Variants in GBE1 observed in about 807,000 individuals in gnomAD.
GBE1 encodes the protein 1,4-alpha-glucan-branching enzyme.
A neutral mutation model predicts 88.8 loss-of-function variants in GBE1; 70 were observed. The observed-to-expected ratio is 0.79, with a 90% CI of 0.65 to 0.96. The LOEUF is 0.96. GBE1 is among the 40% of genes least tolerant of loss of function. The pLI, the probability that GBE1 is intolerant of heterozygous loss-of-function variation, is 0.00. For synonymous variants in GBE1, 284 were observed against 300.1 expected (o/e 0.95, Z 0.56); for missense variants, 872 against 871.0 (o/e 1.00, Z -0.01).
intron 12 of GBE1, among the ~76,000 whole-genome samples, chr3:81,541,930 TATTTATTA>T (rs1703147300): frequency 6.6e-6 from 1 of 152,102 alleles, no homozygotes; most frequent in African/African-American, 2.4e-5. Context: ...ATTTTTATTT[TATTTATTA>T]ATTTATTAAG....
At chr3:81,720,385 A>G (rs915487266) in intron 1 of GBE1, among the ~76,000 whole-genome samples, 2 of 148,756 alleles carry the variant, frequency 1.3e-5, no homozygotes, top group Non-Finnish European at 3.0e-5. Flanking sequence ...TATATATCTT[A>G]TATACACAAA....
chr3:81,761,508 G>A lies in GBE1; in HGVS notation c.10C>T (p.Pro4Ser), dbSNP rs750274939. Residue 4 changes from proline (P) to serine (S), a missense_variant, in exon 1 of 16, where the codon CCG (proline) becomes TCG (serine). Physicochemically the swap from Pro to Ser is moderately conservative, Grantham distance 74. Coordinates refer to ENST00000429644, the MANE Select transcript of GBE1 (RefSeq NM_000158.4). Reference protein sequence around the residue: MAAPMTPAARPEDY... With the variant: MAASMTPAARPEDY... ...TCGGGCCGAGCCGCGGGAGTCATCGGAGCCGCCATATTCCGCCGCAGTCCA... is the reference window on the plus strand; with the variant it reads ...TCGGGCCGAGCCGCGGGAGTCATCGAAGCCGCCATATTCCGCCGCAGTCCA... 2 of 1,604,430 alleles carry A rather than the reference G, an allele frequency of 1.2e-6. No individual in the cohort carries two copies. The highest frequency in any genetic ancestry group is 1.7e-6 in the Non-Finnish European group (2 of 1,177,122).
At chr3:81,718,929 C>A (rs1705981214) in intron 1 of GBE1, among the ~76,000 whole-genome samples, 1 of 152,032 alleles carries the variant, frequency 6.6e-6, no homozygotes, top group African/African-American at 2.4e-5. Flanking sequence ...GCCACCGCGC[C>A]CTGCCCACCC....
At chr3:81,696,022 T>A (rs528796452) in intron 2 of GBE1, among the ~76,000 whole-genome samples, 94 of 152,238 alleles carry the variant, frequency 6.2e-4, no homozygotes, top group Middle Eastern at 6.8e-3. Flanking sequence ...AAGAAGCAAG[T>A]TTCCTTTTTT....
At chr3:81,710,856 T>C (rs905433735) in intron 1 of GBE1, among the ~76,000 whole-genome samples, 1 of 152,216 alleles carries the variant, frequency 6.6e-6, no homozygotes, top group African/African-American at 2.4e-5. Flanking sequence ...CTTTCCATTT[T>C]TTTCCTGGAA....
At chr3:81,624,668 A>G (rs995809250) in intron 7 of GBE1, among the ~76,000 whole-genome samples, 4 of 152,162 alleles carry the variant, frequency 2.6e-5, no homozygotes, top group African/African-American at 9.7e-5. Flanking sequence ...ACACACACAC[A>G]TAACATGTAA....
intron 2 of GBE1, among the ~76,000 whole-genome samples, chr3:81,690,649 A>G (rs924138731): frequency 1.3e-5 from 2 of 152,346 alleles, no homozygotes; most frequent in African/African-American, 4.8e-5. Context: ...AAGCCATTCC[A>G]TAACAGCATC....
At chr3:81,734,345 A>C (rs945833747) in intron 1 of GBE1, among the ~76,000 whole-genome samples, 1 of 152,192 alleles carries the variant, frequency 6.6e-6, no homozygotes, top group African/African-American at 2.4e-5. Flanking sequence ...GTTCAAAGCA[A>C]GTACCTTCTT....
At chr3:81,713,539 T>C (rs1269462684) in intron 1 of GBE1, among the ~76,000 whole-genome samples, 1 of 152,156 alleles carries the variant, frequency 6.6e-6, no homozygotes, top group Non-Finnish European at 1.5e-5. Flanking sequence ...TGAATTTTAT[T>C]AGGCAGAGTC....
At chr3:81,673,689 C>A (rs1449769122) in intron 2 of GBE1, among the ~76,000 whole-genome samples, 2 of 151,860 alleles carry the variant, frequency 1.3e-5, no homozygotes, top group Admixed American at 1.3e-4. Flanking sequence ...AAGAAAAATA[C>A]TTTAACTATG....
chr3:81,667,066 A>G (rs915197004), intron 3 of GBE1, among the ~76,000 whole-genome samples: 7 of 152,242 alleles, frequency 4.6e-5, no homozygotes, highest in Non-Finnish European at 7.3e-5. Flanking sequence ...ATTCTGAACT[A>G]GAGACAGAAT....
chr3:81,577,086 G>C (rs892005652), intron 12 of GBE1, among the ~76,000 whole-genome samples: 2 of 151,852 alleles, frequency 1.3e-5, no homozygotes, highest in East Asian at 3.9e-4. Flanking sequence ...GTACAGGCAC[G>C]CACCACCACA....
chr3:81,572,322 G>C (rs528117924), intron 12 of GBE1, among the ~76,000 whole-genome samples: 74 of 152,232 alleles, frequency 4.9e-4, no homozygotes, highest in Admixed American at 1.4e-3. Context: ...ATAAAAGAAT[G>C]AATAAAATAT....
chr3:81,660,722 A>G (rs968181231), intron 3 of GBE1, among the ~76,000 whole-genome samples: 2 of 152,112 alleles, frequency 1.3e-5, no homozygotes, highest in African/African-American at 4.8e-5. Flanking sequence ...AAAAAAACAC[A>G]CACACATACA....
intron 1 of GBE1, among the ~76,000 whole-genome samples, chr3:81,754,316 C>T (rs1398801987): frequency 1.3e-5 from 2 of 151,472 alleles, no homozygotes; most frequent in Non-Finnish European, 3.0e-5. Context: ...AAGAGGACAC[C>T]AAAAAATGGG....
At chr3:81,533,879 G>A (rs748131645) in intron 14 of GBE1, among the ~76,000 whole-genome samples, 11 of 152,022 alleles carry the variant, frequency 7.2e-5, no homozygotes, top group Non-Finnish European at 1.3e-4. Flanking sequence ...TTAGTAACAG[G>A]TGCCACCATT....
chr3:81,591,253 A>G (rs1576161331), intron 8 of GBE1, 89 bp from the exon 9 acceptor site: 1 of 1,057,370 alleles, frequency 9.5e-7, no homozygotes, highest in African/African-American at 1.6e-5. Context: ...GTTTGTTTAT[A>G]TGAATTTTGT....
chr3:81,722,461 AC>A (rs1706047251), intron 1 of GBE1, among the ~76,000 whole-genome samples: 1 of 152,008 alleles, frequency 6.6e-6, no homozygotes, highest in Admixed American at 6.6e-5. Context: ...CCTACTATAA[AC>A]ATACAAAGAC....
At chr3:81,588,051 T>G (rs994736238) in intron 9 of GBE1, among the ~76,000 whole-genome samples, 20 of 152,018 alleles carry the variant, frequency 1.3e-4, no homozygotes, top group Non-Finnish European at 2.8e-4. Context: ...CCTTACTTCC[T>G]ATAAAAGACT....
Sources: allele counts gnomAD v4.1 joint callset (sites outside exome capture counted in the v4.1 genomes callset), GRCh38; gene constraint gnomAD v4.1.1; transcripts MANE v1.5; gene names NCBI Gene and HGNC (gene_info 2026-07-23, HGNC 2026-07-21).